SMARCAD1: variants seen among roughly 807,000 people sequenced by gnomAD.
SMARCAD1 encodes SNF2 related chromatin remodeling ATPase with DExD box 1, also known as SWI/SNF-related matrix-associated actin-dependent regulator of chromatin subfamily A containing DEAD/H box 1.
Under a neutral mutation model 127.1 loss-of-function variants are expected in SMARCAD1, and 25 were observed. The observed-to-expected ratio is 0.20, with a 90% CI of 0.14 to 0.27. The LOEUF is 0.27. Ranked by LOEUF, SMARCAD1 falls within the 10% of genes least tolerant of loss-of-function variation. The probability of loss-of-function intolerance (pLI) is 1.00; values close to 1 mark genes in which losing one functional copy is unlikely to be tolerated. For synonymous variants in SMARCAD1, 400 were observed against 396.9 expected (o/e 1.01, Z -0.09); for missense variants, 807 against 1,206.0 (o/e 0.67, Z 4.90).
In SMARCAD1 at chr4:94,252,662, T is replaced by G. The variant is rs1273062366; in HGVS notation, c.936T>G (p.Val312=). Residue 312 remains valine, a synonymous_variant, in exon 9 of 24, where the codon GTT becomes GTG. Coordinates refer to ENST00000354268, the MANE Select transcript of SMARCAD1 (RefSeq NM_020159.5). ...SQSEVPNGKE[V]SSRSQNYPKN... ...GTGAGGTTCCAAATGGAAAAGAAGT[T>G]TCTTCAAGAAGTCAAAATTACCCTA... 1 of 1,576,694 alleles carries G rather than the reference T, an allele frequency of 6.3e-7. No homozygotes were observed. The highest frequency in any genetic ancestry group is 1.7e-4 in the Middle Eastern group (1 of 5,882).
At chr4:94,220,913 A>G (rs1049412088) in intron 2 of SMARCAD1, among the ~76,000 whole-genome samples, 2 of 152,260 alleles carry the variant, frequency 1.3e-5, no homozygotes, top group African/African-American at 2.4e-5. Flanking sequence ...GCATCACTGC[A>G]TACCGTACAA....
chr4:94,237,244 A>G (rs1298169501), intron 5 of SMARCAD1, among the ~76,000 whole-genome samples: 1 of 152,144 alleles, frequency 6.6e-6, no homozygotes, highest in East Asian at 1.9e-4. Context: ...GAAGTTTTGT[A>G]GGATATATTT....
chr4:94,276,358 A>G lies in SMARCAD1; in HGVS notation c.1828A>G (p.Ser610Gly), dbSNP rs751729733. The G allele has an allele frequency of 6.2e-7, 1 of 1,614,140 alleles. No individual in the cohort carries two copies. Among genetic ancestry groups the G allele is most frequent in the Non-Finnish European group, 8.5e-7 (1 of 1,180,022 alleles). Residue 610 changes from serine to glycine, a missense_variant, in exon 15 of 24, where the codon AGT becomes GGT. Ser to Gly is a moderately conservative substitution (Grantham distance 56). This residue lies in a region of SMARCAD1 where 148 missense variants were observed against 313.2 expected (regional missense o/e 0.47). Coordinates refer to ENST00000354268, the MANE Select transcript of SMARCAD1 (RefSeq NM_020159.5). ...TGACAGATATAACTGTGCGATCAGC[A>G]GTTCTGATGACCGTAGTCTGTTTCG... ...IVTTYNCAIS[S>G]SDDRSLFRRL...
At chr4:94,245,103 G>T (rs1334081626) in intron 6 of SMARCAD1, among the ~76,000 whole-genome samples, 1 of 152,170 alleles carries the variant, frequency 6.6e-6, no homozygotes, top group Non-Finnish European at 1.5e-5. Context: ...TTATTTTGAA[G>T]AATTTGATAC....
At chr4:94,227,496 G>A (rs1471575806) in intron 3 of SMARCAD1, among the ~76,000 whole-genome samples, 1 of 152,178 alleles carries the variant, frequency 6.6e-6, no homozygotes, top group Non-Finnish European at 1.5e-5. Context: ...ATAATAAGTG[G>A]TTAGATTCTG....
intron 2 of SMARCAD1, 59 bp from the exon 3 acceptor site, chr4:94,226,060 A>G (rs1307389324): frequency 6.6e-6 from 9 of 1,370,796 alleles, no homozygotes; most frequent in Non-Finnish European, 9.3e-6. Context: ...GATTATAACT[A>G]ACAACAGATT....
At chr4:94,215,795 C>CAAAA (rs929657819) in intron 2 of SMARCAD1, among the ~76,000 whole-genome samples, 15 of 152,170 alleles carry the variant, frequency 9.9e-5, no homozygotes, top group Admixed American at 9.8e-4. Flanking sequence ...AGCTAATAGG[C>CAAAA]AAAAGTATGT....
At chr4:94,234,258 T>C in intron 4 of SMARCAD1, 136 bp downstream of exon 4, 1 of 797,184 alleles carries the variant, frequency 1.3e-6, no homozygotes, top group Non-Finnish European at 2.0e-6. Context: ...CTAAAGGAAG[T>C]AAATGCCAGA....
At chr4:94,263,519 T>C (rs950660698) in intron 9 of SMARCAD1, among the ~76,000 whole-genome samples, 2 of 151,976 alleles carry the variant, frequency 1.3e-5, no homozygotes, top group African/African-American at 4.8e-5. Context: ...TAAGAATAGA[T>C]TGGATATTTT....
At chr4:94,231,434 C>G (rs1260153246) in intron 3 of SMARCAD1, among the ~76,000 whole-genome samples, 1 of 152,156 alleles carries the variant, frequency 6.6e-6, no homozygotes, top group Admixed American at 6.5e-5. Flanking sequence ...AGCAAGTGGT[C>G]AACTCTGTTG....
At chr4:94,275,797 T>TTTTCTTTTATTTTATTTTA (rs771113021) in intron 14 of SMARCAD1, among the ~76,000 whole-genome samples, 80 of 103,370 alleles carry the variant, frequency 7.7e-4, no homozygotes, top group Middle Eastern at 9.1e-3. Context: ...TAACATTTTC[T>TTTTCTTTTATTTTATTTTA]TTTTTTTTTT....
intron 3 of SMARCAD1, among the ~76,000 whole-genome samples, chr4:94,229,106 G>GCA (rs1046734382): frequency 1.3e-5 from 2 of 151,948 alleles, no homozygotes; most frequent in Non-Finnish European, 2.9e-5. Context: ...AATTAACGTG[G>GCA]CCCCTGCTAG....
chr4:94,222,232 G>A (rs1051988670), intron 2 of SMARCAD1, among the ~76,000 whole-genome samples: 1 of 152,200 alleles, frequency 6.6e-6, no homozygotes, highest in South Asian at 2.1e-4. Flanking sequence ...ATTTTGAAAT[G>A]ACATGTTTTT....
At chr4:94,232,197 C>T (rs115026265) in intron 3 of SMARCAD1, among the ~76,000 whole-genome samples, 1,903 of 150,540 alleles carry the variant, frequency 0.013, 43 homozygotes, top group African/African-American at 0.045. Context: ...TATTTATTTT[C>T]TATCACTTGT....
intron 22 of SMARCAD1, among the ~76,000 whole-genome samples, 198 bp from the exon 23 acceptor site, chr4:94,284,762 C>T (rs1754694039): frequency 6.6e-6 from 1 of 152,048 alleles, no homozygotes; most frequent in Non-Finnish European, 1.5e-5. Flanking sequence ...AAATATCTTT[C>T]TCTTTTCTTC....
intron 6 of SMARCAD1, among the ~76,000 whole-genome samples, chr4:94,249,159 A>G (rs569144540): frequency 6.6e-6 from 1 of 152,246 alleles, no homozygotes; most frequent in African/African-American, 2.4e-5. Context: ...TCCTTTTATC[A>G]TTGTTTCAGT....
At chr4:94,271,999 G>T (rs998163105) in intron 11 of SMARCAD1, among the ~76,000 whole-genome samples, 6 of 152,200 alleles carry the variant, frequency 3.9e-5, no homozygotes, top group African/African-American at 1.4e-4. Context: ...TTAAACAACA[G>T]AAATTTGTTC....
chr4:94,253,612 T>C (rs932494265), intron 9 of SMARCAD1: 39 of 1,030,046 alleles, frequency 3.8e-5, no homozygotes, highest in South Asian at 7.0e-5. Context: ...ATTGGAAAGA[T>C]AGAAAAATTT....
At chr4:94,220,159 C>G (rs1743876041) in intron 2 of SMARCAD1, among the ~76,000 whole-genome samples, 1 of 152,188 alleles carries the variant, frequency 6.6e-6, no homozygotes, top group Non-Finnish European at 1.5e-5. Context: ...TCCAGATAAA[C>G]AAATCTAAGT....
Sources: gnomAD v4.1 joint callset for allele counts (sites outside exome capture counted in the v4.1 genomes callset) on GRCh38, gnomAD v4.1.1 for gene constraint, gnomAD v4.1.1 regional missense constraint, MANE v1.5 for transcripts, NCBI Gene and HGNC (gene_info 2026-07-23, HGNC 2026-07-21) for gene names.